The following YLPM1 variants were observed in gnomAD, a reference collection of about 807,000 sequenced individuals.
The protein encoded by YLPM1 is YLP motif containing 1, also known as YLP motif-containing protein 1.
A neutral mutation model predicts 230.0 loss-of-function variants in YLPM1; 99 were observed. That is an observed-to-expected ratio of 0.43 (90% confidence interval 0.37 to 0.51). The LOEUF (loss-of-function observed/expected upper bound fraction) is 0.51, where lower values mean the gene tolerates loss of function less well. Among genes scored for constraint, YLPM1 ranks in the 20% least tolerant of loss-of-function variants. The pLI is 0.00. For synonymous variants in YLPM1, 984 were observed against 942.5 expected (o/e 1.04, Z -0.81); for missense variants, 2,592 against 2,707.7 (o/e 0.96, Z 0.95).
intron 4 of YLPM1, among the ~76,000 whole-genome samples, chr14:74,782,837 T>C (rs987959095): frequency 1.3e-5 from 2 of 152,186 alleles, no homozygotes; most frequent in Non-Finnish European, 2.9e-5. Flanking sequence ...GCAGTGAATA[T>C]AGCAGAACAC....
intron 6 of YLPM1, among the ~76,000 whole-genome samples, chr14:74,803,413 GCTCTACTGAAC>G (rs1192707906): frequency 1.6e-4 from 25 of 152,292 alleles, no homozygotes; most frequent in Middle Eastern, 6.8e-3. Flanking sequence ...GAAGAAAACA[GCTCTACTGAAC>G]CTCTACTGAA....
At chr14:74,822,102 A>C (rs2091526116) in intron 17 of YLPM1, 1 of 152,196 alleles carries the variant, frequency 6.6e-6, no homozygotes, top group African/African-American at 2.4e-5. Flanking sequence ...TTAAAAAATA[A>C]GTTTTAAAGT....
At chr14:74,774,106 AAGTTG>A (rs1328312036) in intron 1 of YLPM1, among the ~76,000 whole-genome samples, 2 of 152,220 alleles carry the variant, frequency 1.3e-5, no homozygotes, top group Non-Finnish European at 2.9e-5. Context: ...AACCCATTGT[AAGTTG>A]AGGATAATGT....
Position 74,822,191 on chromosome 14 carries a change from A to G in YLPM1, c.6111+1054A>G, listed in dbSNP as rs2091526631. 2.0e-5 allele frequency: 3 copies of G among 152,158 alleles called. No homozygotes were observed. The South Asian group carries it at 6.2e-4, about 31-fold the overall frequency. The allele number at this position is 152,158 out of a possible 1,614,324, so 9.4% of individuals were successfully genotyped here. ...TGTATTTTGGCATATATAATTTAAA[A>G]TGTAGGCAGGATATTCACTACAAGG... On this transcript the variant is annotated intron_variant, in intron 17 of 20. Transcript: ENST00000325680.
rs113231747 is a variant in YLPM1, at chr14:74,769,851, A to ACC, written c.873+5499_873+5500dup. Among the ~76,000 whole-genome samples, 371 of 76,756 alleles carry ACC rather than the reference A, an allele frequency of 4.8e-3. 8 individuals carry two copies. The highest frequency in any genetic ancestry group is 0.017 in the East Asian group (35 of 2,106). The allele number at this position is 76,756 out of a possible 152,430, so 50.4% of individuals were successfully genotyped here. A position where few individuals can be genotyped will look rare whatever the true frequency, so the allele number is the denominator to read the frequency against. On this transcript the variant is annotated intron_variant, in intron 1 of 20. Coordinates refer to ENST00000325680, the MANE Select transcript of YLPM1 (RefSeq NM_019589.3). ...GCCAGCCTGGGCAACAAAGTGAGACACCCCCCCCCCCGCCCCCCGCCCACA... is the reference window on the plus strand; with the variant it reads ...GCCAGCCTGGGCAACAAAGTGAGACACCCCCCCCCCCCCGCCCCCCGCCCACA...
At chr14:74,777,209 A>G (rs538492186) in intron 1 of YLPM1, among the ~76,000 whole-genome samples, 4 of 152,338 alleles carry the variant, frequency 2.6e-5, no homozygotes, top group Non-Finnish European at 5.9e-5. Context: ...TCAGAAAATT[A>G]AAGTACAGCA....
At chr14:74,810,100 C>T in intron 8 of YLPM1, 98 bp downstream of exon 8, 1 of 1,453,564 alleles carries the variant, frequency 6.9e-7, no homozygotes, top group Non-Finnish European at 9.2e-7. Context: ...CCATTTAATA[C>T]AGCTAAAAGA....
chr14:74,803,148 C>G (rs1225862346), intron 6 of YLPM1, among the ~76,000 whole-genome samples: 2 of 151,794 alleles, frequency 1.3e-5, no homozygotes, highest in Non-Finnish European at 2.9e-5. Context: ...AGATGTGGGC[C>G]TCGTGATGCT....
chr14:74,802,650 A>G lies in YLPM1; in HGVS notation c.4495A>G (p.Thr1499Ala). Residue 1499 changes from threonine (T) to alanine (A), a missense_variant, in exon 6 of 21, where the codon ACA (threonine) becomes GCA (alanine). Around this residue, in one of 4 missense-constraint regions of YLPM1, gnomAD observed 403 missense variants for 426.7 expected, o/e 0.94. Coordinates refer to ENST00000325680, the MANE Select transcript of YLPM1 (RefSeq NM_019589.3). The part of the protein sequence containing the change: ...LPPQESRLQN[T>A]SSRPGMYPPP... ...ACCTCAGGAATCAAGATTGCAGAAT[A>G]CATCTTCAAGACCTGGAATGTATCC... The G allele has an allele frequency of 6.2e-7, 1 of 1,613,008 alleles. No homozygotes were observed. The highest frequency in any genetic ancestry group is 8.5e-7 in the Non-Finnish European group (1 of 1,179,472).
At chr14:74,779,076 A>C (rs2091069192) in intron 2 of YLPM1, among the ~76,000 whole-genome samples, 1 of 152,120 alleles carries the variant, frequency 6.6e-6, no homozygotes, top group African/African-American at 2.4e-5. Flanking sequence ...TCCTGACCTC[A>C]AGTGATCCAC....
intron 1 of YLPM1, among the ~76,000 whole-genome samples, chr14:74,770,367 T>TA (rs1335882964): frequency 6.6e-6 from 1 of 150,804 alleles, no homozygotes; most frequent in Non-Finnish European, 1.5e-5. Context: ...CTGATGCCTG[T>TA]AATCTCAGCA....
chr14:74,829,419 A>G (rs1004127236), intron 19 of YLPM1, 76 bp downstream of exon 19: 57 of 1,579,036 alleles, frequency 3.6e-5, no homozygotes, highest in East Asian at 1.4e-4. Flanking sequence ...TTACAGGCAG[A>G]TGATCACATG....
intron 5 of YLPM1, among the ~76,000 whole-genome samples, chr14:74,799,949 C>T (rs1325281619): frequency 6.6e-6 from 1 of 152,206 alleles, no homozygotes; most frequent in Non-Finnish European, 1.5e-5. Flanking sequence ...GTGTTGCTGG[C>T]ATGCCATGCC....
chr14:74,771,264 G>A (rs1181575338), intron 1 of YLPM1, among the ~76,000 whole-genome samples: 2 of 152,112 alleles, frequency 1.3e-5, no homozygotes, highest in East Asian at 3.9e-4. Flanking sequence ...GTAAGATCTG[G>A]GAGACATAGA....
chr14:74,811,318 C>T (rs376886435), intron 9 of YLPM1, among the ~76,000 whole-genome samples: 3 of 151,896 alleles, frequency 2.0e-5, no homozygotes, highest in Non-Finnish European at 4.4e-5. Context: ...CCCATCTCTA[C>T]AAAAAATAAC....
At chr14:74,792,436 G>T (rs961570715) in intron 4 of YLPM1, among the ~76,000 whole-genome samples, 4 of 152,182 alleles carry the variant, frequency 2.6e-5, no homozygotes, top group African/African-American at 9.7e-5. Flanking sequence ...CTCAGGAGAA[G>T]CGGCCCTTCT....
rs765581473 is a variant in YLPM1 at position 74,828,042 on chromosome 14, A to G, written c.6164-1171A>G. On this transcript the variant is annotated intron_variant, in intron 18 of 20. Coordinates refer to ENST00000325680, the MANE Select transcript of YLPM1 (RefSeq NM_019589.3). ...ACTTTTATGGGAAGGGGGCTTAGGA[A>G]CAAAAAACTTTGCCAAGAATGCAAA... is the stretch of plus-strand genomic sequence containing the variant. The G allele has an allele frequency of 2.2e-4, 220 of 979,990 alleles. 1 individual carries two copies. Among genetic ancestry groups the G allele is most frequent in the Admixed American group, 2.5e-4 (4 of 16,240 alleles). 60.7% of individuals were successfully genotyped at this position (979,990 alleles called of 1,614,324 possible).
intron 1 of YLPM1, among the ~76,000 whole-genome samples, chr14:74,768,538 C>T (rs1312225344): frequency 6.6e-6 from 1 of 152,178 alleles, no homozygotes; most frequent in Admixed American, 6.5e-5. Flanking sequence ...TGAGCCACTG[C>T]GCCCGGTCGG....
At chr14:74,822,466 A>T (rs892858912) in intron 17 of YLPM1, among the ~76,000 whole-genome samples, 1 of 152,196 alleles carries the variant, frequency 6.6e-6, no homozygotes, top group Admixed American at 6.5e-5. Context: ...CATCAGAGTC[A>T]TGGCAAGGAG....
Sources: gnomAD v4.1 joint callset for allele counts (sites outside exome capture counted in the v4.1 genomes callset) on GRCh38, gnomAD v4.1.1 for gene constraint, gnomAD v4.1.1 regional missense constraint, MANE v1.5 for transcripts, NCBI Gene and HGNC (gene_info 2026-07-23, HGNC 2026-07-21) for gene names.